ATF1: variants seen among roughly 807,000 people sequenced by gnomAD.
ATF1 encodes cyclic AMP-dependent transcription factor ATF-1.
In ATF1, 16 loss-of-function variants were observed where a neutral mutation model predicts 34.7. That is an observed-to-expected ratio of 0.46 (90% CI 0.31 to 0.70). The LOEUF (loss-of-function observed/expected upper bound fraction) is 0.70. ATF1 is among the 30% of genes least tolerant of loss of function. The pLI is 0.05. For synonymous variants in ATF1, 105 were observed against 113.1 expected (o/e 0.93, Z 0.46); for missense variants, 255 against 321.6 (o/e 0.79, Z 1.58).
At chr12:50,778,571 C>T (rs1254281143) in intron 1 of ATF1, among the ~76,000 whole-genome samples, 2 of 151,604 alleles carry the variant, frequency 1.3e-5, no homozygotes, top group African/African-American at 4.8e-5. Flanking sequence ...AGTACATTCA[C>T]AGTGTGTACA....
rs375003152 is a variant in ATF1, at chr12:50,768,784, T to A, written c.-7+4477T>A. 8.5e-5 allele frequency among the ~76,000 whole-genome samples: 13 copies of A among 152,362 alleles called. No homozygotes were observed. The East Asian group carries it at 1.2e-3, about 14-fold the overall frequency. On this transcript the variant is annotated intron_variant, in intron 1 of 6. Coordinates refer to ENST00000262053, the MANE Select transcript of ATF1 (RefSeq NM_005171.5). Reference sequence around the variant, plus strand: ...ACATCTTTAAAATTGATAAAAATGTTAATCTTAATTATGCAGGTCAGATAT... The same window carrying A: ...ACATCTTTAAAATTGATAAAAATGTAAATCTTAATTATGCAGGTCAGATAT...
chr12:50,804,844 C>T (rs190248445), intron 3 of ATF1, among the ~76,000 whole-genome samples: 3 of 150,222 alleles, frequency 2.0e-5, no homozygotes, highest in Non-Finnish European at 4.4e-5. Flanking sequence ...CGGAGTCTCA[C>T]GCTGTCACCC....
chr12:50,809,991 G>A (rs1403293807), intron 4 of ATF1, among the ~76,000 whole-genome samples: 6 of 151,706 alleles, frequency 4.0e-5, no homozygotes, highest in Non-Finnish European at 2.9e-5. Context: ...GTGCCACCAC[G>A]CCCGGCTAAT....
rs1043365706 is a variant in ATF1, at chr12:50,796,530, G to A, written c.194+521G>A. ...AGCCTGGCCAACATGGTGAAACCCC[G>A]TCTCTAATAAAAATAGAAAAATTAG... On this transcript the variant is annotated intron_variant, in intron 3 of 6. Coordinates refer to ENST00000262053, the MANE Select transcript of ATF1 (RefSeq NM_005171.5). Among the ~76,000 whole-genome samples the A allele has an allele frequency of 1.8e-4, 28 of 152,086 alleles. No homozygotes were observed. The South Asian group carries it at 2.1e-3, about 11-fold the overall frequency.
intron 3 of ATF1, among the ~76,000 whole-genome samples, chr12:50,799,483 G>C (rs1198412444): frequency 1.3e-5 from 2 of 152,068 alleles, no homozygotes; most frequent in African/African-American, 2.4e-5. Context: ...AAATTACTTG[G>C]TATCAAAGAA....
chr12:50,810,631 G>A (rs981543996), intron 4 of ATF1, among the ~76,000 whole-genome samples: 12 of 152,100 alleles, frequency 7.9e-5, no homozygotes, highest in African/African-American at 9.7e-5. Context: ...GTATAACACC[G>A]CCAATCAAGA....
At chr12:50,814,945 C>T (rs1941812614) in intron 6 of ATF1, among the ~76,000 whole-genome samples, 1 of 151,428 alleles carries the variant, frequency 6.6e-6, no homozygotes, top group Admixed American at 6.6e-5. Context: ...CGTGGTGAAA[C>T]TCCATCTCTA....
At position 50,819,764 on chromosome 12, in the gene ATF1, C is replaced by T; in HGVS notation, c.801C>T (p.Ser267=). Residue 267 remains serine, a synonymous_variant, in exon 7 of 7, where the codon TCC becomes TCT. Transcript: ENST00000262053. ...EELKTLKDLY[S]NKSV is the part of the protein sequence containing the mutation. ...TAAAAACTTTGAAGGATCTTTATTCCAATAAAAGTGTTTGATTCCTAAGAA... is the reference window on the plus strand; with the variant it reads ...TAAAAACTTTGAAGGATCTTTATTCTAATAAAAGTGTTTGATTCCTAAGAA... 1 of 1,546,748 alleles carries T rather than the reference C, an allele frequency of 6.5e-7. No homozygotes were observed. Among genetic ancestry groups the T allele is most frequent in the Non-Finnish European group, 8.8e-7 (1 of 1,139,100 alleles).
At position 50,809,000 on chromosome 12, in the gene ATF1, A is replaced by T. The variant is rs534706470; in HGVS notation, c.195-456A>T. Among the ~76,000 whole-genome samples the T allele has an allele frequency of 5.3e-5, 8 of 152,134 alleles. No individual in the cohort carries two copies. The South Asian group carries it at 1.5e-3, about 28-fold the overall frequency. On this transcript the variant is annotated intron_variant, in intron 3 of 6. Coordinates refer to ENST00000262053, the MANE Select transcript of ATF1 (RefSeq NM_005171.5). Reference sequence around the variant, plus strand: ...TGATCCGCTGGTCTCGGCCTCCCAAAATGCTGGGATTACAGGTGTGAGCCA... The same window carrying T: ...TGATCCGCTGGTCTCGGCCTCCCAATATGCTGGGATTACAGGTGTGAGCCA...
chr12:50,770,878 A>T (rs1314825243), intron 1 of ATF1, among the ~76,000 whole-genome samples: 1 of 152,228 alleles, frequency 6.6e-6, no homozygotes, highest in African/African-American at 2.4e-5. Context: ...CAGTATTCTG[A>T]TTCTGGGCAC....
chr12:50,817,395 GA>G (rs543003786), intron 6 of ATF1, among the ~76,000 whole-genome samples: 3 of 151,994 alleles, frequency 2.0e-5, no homozygotes, highest in Non-Finnish European at 4.4e-5. Context: ...AAAATTGAAT[GA>G]AAAAACAAGT....
chr12:50,800,428 A>G (rs1941489722), intron 3 of ATF1, among the ~76,000 whole-genome samples: 1 of 152,212 alleles, frequency 6.6e-6, no homozygotes, highest in African/African-American at 2.4e-5. Context: ...ATCTGGGCAA[A>G]TATAATGGAC....
chr12:50,779,288 C>G (rs976447815), intron 1 of ATF1, among the ~76,000 whole-genome samples: 2 of 152,162 alleles, frequency 1.3e-5, no homozygotes, highest in Non-Finnish European at 2.9e-5. Flanking sequence ...TATACACCAC[C>G]AAGTGAAATT....
At chr12:50,807,812 T>G (rs12810063) in intron 3 of ATF1, among the ~76,000 whole-genome samples, 2,106 of 51,874 alleles carry the variant, frequency 0.041, 33 homozygotes, top group African/African-American at 0.12. Context: ...GTTTTTTTTT[T>G]GTTTTTTTTT....
intron 2 of ATF1, among the ~76,000 whole-genome samples, chr12:50,783,647 A>G (rs1941119715): frequency 6.6e-6 from 1 of 151,700 alleles, no homozygotes; most frequent in Non-Finnish European, 1.5e-5. Context: ...AGGCGGGTAG[A>G]TCACGAGGGC....
chr12:50,786,878 T>C (rs551450813), intron 2 of ATF1, among the ~76,000 whole-genome samples: 2 of 152,200 alleles, frequency 1.3e-5, no homozygotes, highest in South Asian at 4.1e-4. Context: ...GACAAGAGTA[T>C]GGAAAGAGCC....
At chr12:50,811,576 A>G (rs1481847197) in intron 4 of ATF1, among the ~76,000 whole-genome samples, 2 of 147,438 alleles carry the variant, frequency 1.4e-5, no homozygotes, top group African/African-American at 5.0e-5. Context: ...TTGAAGCCAC[A>G]TTCAGGACCA....
chr12:50,763,512 G>A (rs115655099), upstream of ATF1, among the ~76,000 whole-genome samples: 1,960 of 151,380 alleles, frequency 0.013, 49 homozygotes, highest in African/African-American at 0.044. Flanking sequence ...CTGCCCCATA[G>A]GCTGAGGTTG....
Position 50,801,434 on chromosome 12 carries a change from A to T in ATF1, c.194+5425A>T, listed in dbSNP as rs186983218. 2.4e-4 allele frequency among the ~76,000 whole-genome samples: 36 copies of T among 152,368 alleles called. 1 individual carries two copies. The highest frequency in any genetic ancestry group is 8.2e-4 in the African/African-American group (34 of 41,594). Reference sequence around the variant, plus strand: ...AGGTGCAGGAACACAGAAGAATTTTAAAAACAGAATAAACAGAAAGCAAAT... The same window carrying T: ...AGGTGCAGGAACACAGAAGAATTTTTAAAACAGAATAAACAGAAAGCAAAT... On this transcript the variant is annotated intron_variant, in intron 3 of 6. Transcript: ENST00000262053.
Sources: gnomAD v4.1 joint callset for allele counts (sites outside exome capture counted in the v4.1 genomes callset) on GRCh38, gnomAD v4.1.1 for gene constraint, MANE v1.5 for transcripts, NCBI Gene and HGNC (gene_info 2026-07-23, HGNC 2026-07-21) for gene names.